The following BCKDHB variants were observed in gnomAD, a reference collection of about 807,000 sequenced individuals.
BCKDHB encodes the protein branched chain keto acid dehydrogenase E1 subunit beta, also known as 2-oxoisovalerate dehydrogenase subunit beta, mitochondrial.
A neutral mutation model predicts 48.5 loss-of-function variants in BCKDHB; 41 were observed. The ratio of observed to expected loss-of-function variants is 0.85; its 90% CI spans 0.66 to 1.10. BCKDHB has a LOEUF of 1.10. BCKDHB is among the 50% of genes least tolerant of loss of function. The pLI, the probability that BCKDHB is intolerant of heterozygous loss-of-function variation, is 0.00. For missense variants in BCKDHB, 496 were observed against 494.2 expected, an observed-to-expected ratio of 1.00 and a Z score of -0.03; for synonymous variants, 201 against 174.8, an observed-to-expected ratio of 1.15 and a Z score of -1.18.
At chr6:80,383,326 C>T in the BCKDHB span, among the ~76,000 whole-genome samples, 1 of 151,756 alleles carries the variant, frequency 6.6e-6, no homozygotes, top group East Asian at 1.9e-4. Context: ...TTTATGAGTT[C>T]CTGACATATA....
At position 80,113,518 on chromosome 6, in the gene BCKDHB, C is replaced by T. The variant is rs565622347; in HGVS notation, c.196+6629C>T. ...GTTGCCTCTGTGCTTAGGCATTGTG[C>T]GCTGAAGGGCCCAAGTTGGAAAGGG... On this transcript the variant is annotated intron_variant, in intron 1 of 9. Transcript: ENST00000320393. 1.1e-4 allele frequency among the ~76,000 whole-genome samples: 17 copies of T among 152,286 alleles called. No homozygotes were observed. The South Asian group carries it at 1.7e-3, about 15-fold the overall frequency.
intron 9 of BCKDHB, among the ~76,000 whole-genome samples, chr6:80,282,535 T>C (rs970859752): frequency 3.3e-4 from 51 of 152,300 alleles, no homozygotes; most frequent in African/African-American, 1.2e-3. Flanking sequence ...TAATAAGTTA[T>C]GATTTGTCCA....
chr6:80,198,706 A>G (rs541885923), intron 6 of BCKDHB, among the ~76,000 whole-genome samples: 5 of 152,356 alleles, frequency 3.3e-5, no homozygotes, highest in Admixed American at 3.3e-4. Flanking sequence ...AGTGTGTACA[A>G]TGTGATTCTA....
chr6:80,157,516 A>C (rs1397019409), intron 3 of BCKDHB, among the ~76,000 whole-genome samples: 1 of 131,412 alleles, frequency 7.6e-6, no homozygotes, highest in Non-Finnish European at 1.5e-5. Context: ...CCAAGGCTGG[A>C]ATGCAATGGC....
At chr6:80,409,215 C>T in the BCKDHB span, among the ~76,000 whole-genome samples, 1 of 151,972 alleles carries the variant, frequency 6.6e-6, no homozygotes, top group Admixed American at 6.6e-5. Context: ...ATCCTGAGTT[C>T]TAGTTTGATT....
chr6:80,332,468 T>G (rs1403607790), intron 9 of BCKDHB, among the ~76,000 whole-genome samples: 1 of 152,170 alleles, frequency 6.6e-6, no homozygotes, highest in Admixed American at 6.6e-5. Context: ...CTGTGGAGAA[T>G]AGCTGTAAAA....
the BCKDHB span, among the ~76,000 whole-genome samples, chr6:80,431,848 G>T: frequency 6.6e-6 from 1 of 151,938 alleles, no homozygotes; most frequent in African/African-American, 2.4e-5. Context: ...TCCTATCCAT[G>T]TTTAGTGCTT....
intron 6 of BCKDHB, among the ~76,000 whole-genome samples, chr6:80,184,504 A>G (rs916702102): frequency 5.9e-5 from 9 of 151,770 alleles, no homozygotes; most frequent in Non-Finnish European, 1.2e-4. Flanking sequence ...CCTTTTTTTT[A>G]AAGTTGTCTT....
the BCKDHB span, among the ~76,000 whole-genome samples, chr6:80,395,465 C>T: frequency 6.6e-6 from 1 of 152,164 alleles, no homozygotes; most frequent in Non-Finnish European, 1.5e-5. Flanking sequence ...AAAAGACTGG[C>T]ATTTTGCCCC....
chr6:80,184,871 T>A (rs999243245), intron 6 of BCKDHB, among the ~76,000 whole-genome samples: 1 of 152,198 alleles, frequency 6.6e-6, no homozygotes, highest in Non-Finnish European at 1.5e-5. Context: ...CTGAAGATTC[T>A]TTCCTTTGTC....
intron 8 of BCKDHB, among the ~76,000 whole-genome samples, chr6:80,251,183 C>T (rs1776822522): frequency 6.6e-6 from 1 of 152,096 alleles, no homozygotes; most frequent in African/African-American, 2.4e-5. Context: ...TGTTTAAAAA[C>T]CTAGGCCTCT....
chr6:80,196,459 C>A (rs73750077), intron 6 of BCKDHB, among the ~76,000 whole-genome samples: 3,003 of 152,176 alleles, frequency 0.02, 92 homozygotes, highest in African/African-American at 0.068. Context: ...GTTCCCATTG[C>A]TATATTATGA....
chr6:80,255,315 G>A (rs1236519917), intron 8 of BCKDHB, among the ~76,000 whole-genome samples: 1 of 152,138 alleles, frequency 6.6e-6, no homozygotes, highest in African/African-American at 2.4e-5. Context: ...CCTATTAGAT[G>A]TAGGAATGTT....
At chr6:80,357,559 A>T in the BCKDHB span, among the ~76,000 whole-genome samples, 1 of 152,296 alleles carries the variant, frequency 6.6e-6, no homozygotes, top group South Asian at 2.1e-4. Context: ...TAACCAGTAC[A>T]CAGCACCCAG....
intron 8 of BCKDHB, among the ~76,000 whole-genome samples, chr6:80,213,381 T>C (rs763588836): frequency 6.6e-6 from 1 of 152,190 alleles, no homozygotes; most frequent in Non-Finnish European, 1.5e-5. Flanking sequence ...AAAGTGAAAT[T>C]GACTGTACAG....
At chr6:80,453,692 A>T in the BCKDHB span, among the ~76,000 whole-genome samples, 99,194 of 152,068 alleles carry the variant, frequency 0.65, 37,011 homozygotes, top group East Asian at 0.84. Context: ...ATGATAGATA[A>T]AAAGGAGTAG....
At chr6:80,247,966 T>C (rs1017486317) in intron 8 of BCKDHB, among the ~76,000 whole-genome samples, 2 of 152,224 alleles carry the variant, frequency 1.3e-5, no homozygotes, top group African/African-American at 2.4e-5. Context: ...CCAATTATTA[T>C]TGCCTGGTAA....
intron 3 of BCKDHB, among the ~76,000 whole-genome samples, chr6:80,166,760 T>TA (rs755410865): frequency 7.2e-5 from 11 of 152,206 alleles, no homozygotes; most frequent in Non-Finnish European, 1.3e-4. Flanking sequence ...TTTCATCTTT[T>TA]AAAATTTGTT....
chr6:80,283,360 T>C (rs1272120595), intron 9 of BCKDHB, among the ~76,000 whole-genome samples: 1 of 152,052 alleles, frequency 6.6e-6, no homozygotes, highest in Non-Finnish European at 1.5e-5. Flanking sequence ...AGAAAAAAGA[T>C]CATATTTCAT....
Sources: allele counts gnomAD v4.1 joint callset (sites outside exome capture counted in the v4.1 genomes callset), GRCh38; gene constraint gnomAD v4.1.1; transcripts MANE v1.5; gene names NCBI Gene and HGNC (gene_info 2026-07-23, HGNC 2026-07-21).